VIPR2: variants seen among roughly 807,000 people sequenced by gnomAD.
VIPR2 encodes vasoactive intestinal polypeptide receptor 2.
A neutral mutation model predicts 58.0 loss-of-function variants in VIPR2; 48 were observed. The ratio of observed to expected loss-of-function variants is 0.83; its 90% CI spans 0.66 to 1.05. The LOEUF (loss-of-function observed/expected upper bound fraction) is 1.05, where lower values mean the gene tolerates loss of function less well. Ranked by LOEUF, VIPR2 falls within the 50% of genes least tolerant of loss-of-function variation. VIPR2 has a pLI of 0.00. For missense variants in VIPR2, 534 were observed against 558.0 expected (o/e 0.96, Z 0.43); for synonymous variants, 243 against 235.2 (o/e 1.03, Z -0.30).
chr7:159,033,819 G>T (rs1450661063), intron 10 of VIPR2, among the ~76,000 whole-genome samples: 1 of 152,202 alleles, frequency 6.6e-6, no homozygotes, highest in African/African-American at 2.4e-5. Flanking sequence ...TGTATAACAT[G>T]TAAGTGGGCG....
intron 2 of VIPR2, among the ~76,000 whole-genome samples, chr7:159,136,486 T>C (rs1413705004): frequency 6.7e-6 from 1 of 148,638 alleles, no homozygotes; most frequent in Non-Finnish European, 1.5e-5. Flanking sequence ...ATCTGACAGG[T>C]TGCATGAAAG....
chr7:159,035,795 T>A, intron 8 of VIPR2, 157 bp downstream of exon 8: 1 of 985,424 alleles, frequency 1.0e-6, no homozygotes, highest in Non-Finnish European at 1.2e-6. Flanking sequence ...ACAGGATTTC[T>A]CCCCATGAAT....
rs111568305 is a variant in VIPR2 at position 159,094,646 on chromosome 7, C to G, written c.357+9111G>C. ...CTTCTTTGCAGGGTGGCATCCGGCTCTGGTGGTGACGTTTTAAAGACGAAG... is the reference window on the plus strand; with the variant it reads ...CTTCTTTGCAGGGTGGCATCCGGCTGTGGTGGTGACGTTTTAAAGACGAAG... On this transcript the variant is annotated intron_variant, in intron 4 of 12. Transcript: ENST00000262178. 7.9e-3 allele frequency among the ~76,000 whole-genome samples: 1,208 copies of G among 152,306 alleles called. 17 individuals carry two copies. Among genetic ancestry groups the G allele is most frequent in the African/African-American group, 0.028 (1,165 of 41,568 alleles).
intron 10 of VIPR2, 52 bp downstream of exon 10, chr7:159,034,161 G>C (rs1328238456): frequency 2.5e-6 from 4 of 1,580,662 alleles, no homozygotes; most frequent in Admixed American, 3.3e-5. Context: ...GGGGTCTCCT[G>C]TCTCCACACG....
intron 8 of VIPR2, 146 bp downstream of exon 8, chr7:159,035,806 C>T (rs1004312985): frequency 3.0e-5 from 42 of 1,418,606 alleles, no homozygotes; most frequent in South Asian, 1.1e-4. Flanking sequence ...CCCCATGAAT[C>T]GCCCAGATGC....
At chr7:159,056,042 G>A (rs1217800008) in intron 5 of VIPR2, among the ~76,000 whole-genome samples, 3 of 152,218 alleles carry the variant, frequency 2.0e-5, no homozygotes, top group African/African-American at 7.2e-5. Context: ...AGGGCTCTGC[G>A]TGCACCAGCT....
In VIPR2 at chr7:159,096,737, C is replaced by A; in HGVS notation, c.357+7020G>T. ...CCTGTCTGGTTGTGCCAGGTGACAG[C>A]TGAATGATTTCTGCCTGTGGCCAGA... is the stretch of plus-strand genomic sequence containing the variant. On this transcript the variant is annotated intron_variant, in intron 4 of 12. Transcript: ENST00000262178. The surrounding 1 kb of genome is among the most constrained non-coding windows in gnomAD (Gnocchi z 5.5). The A allele has an allele frequency of 2.9e-6, 4 of 1,393,100 alleles. No homozygotes were observed. In the South Asian group the frequency reaches 7.0e-5, roughly 24 times the overall value. 86.3% of individuals were successfully genotyped at this position (1,393,100 alleles called of 1,614,324 possible).
intron 5 of VIPR2, among the ~76,000 whole-genome samples, chr7:159,053,902 T>C (rs554365876): frequency 6.6e-6 from 1 of 152,366 alleles, no homozygotes; most frequent in African/African-American, 2.4e-5. Context: ...TTTTTAAAAT[T>C]CACATGTAAG....
At chr7:159,105,174 C>A (rs770132940) in intron 3 of VIPR2, among the ~76,000 whole-genome samples, 2 of 152,136 alleles carry the variant, frequency 1.3e-5, no homozygotes, top group Non-Finnish European at 2.9e-5. Flanking sequence ...GTGTCCGAGC[C>A]GTAAGAATAA....
At chr7:159,058,655 G>T in intron 4 of VIPR2, 77 bp from the exon 5 acceptor site, 1 of 1,132,678 alleles carries the variant, frequency 8.8e-7, no homozygotes, top group Non-Finnish European at 1.3e-6. Context: ...CCAGGATCCA[G>T]CCCTGTGCTC....
At chr7:159,058,399 G>T in intron 5 of VIPR2, 82 bp downstream of exon 5, 2 of 1,175,886 alleles carry the variant, frequency 1.7e-6, no homozygotes, top group Non-Finnish European at 1.3e-6. Context: ...GAGGGCTCCA[G>T]GCTGGGTGGC....
chr7:159,077,753 G>A (rs1016561412), intron 4 of VIPR2, among the ~76,000 whole-genome samples: 11 of 149,914 alleles, frequency 7.3e-5, no homozygotes, highest in African/African-American at 2.7e-4. Context: ...ACTACAGTGT[G>A]CCTGTTATCA....
At chr7:159,067,206 C>T (rs981473039) in intron 4 of VIPR2, among the ~76,000 whole-genome samples, 8 of 152,236 alleles carry the variant, frequency 5.3e-5, no homozygotes, top group Non-Finnish European at 7.3e-5. Context: ...TTCACCCACA[C>T]GAGCACCTTC....
At chr7:159,037,875 A>T (rs79424401) in intron 6 of VIPR2, among the ~76,000 whole-genome samples, 1 of 152,308 alleles carries the variant, frequency 6.6e-6, no homozygotes, top group East Asian at 1.9e-4. Flanking sequence ...TCATATCTAT[A>T]GACATATGTA....
At chr7:159,135,813 A>G (rs1797195364) in intron 2 of VIPR2, among the ~76,000 whole-genome samples, 1 of 152,086 alleles carries the variant, frequency 6.6e-6, no homozygotes. Context: ...ACAGAGTGAA[A>G]CTCCATCTCA....
chr7:159,061,323 G>A (rs1340642433), intron 4 of VIPR2, among the ~76,000 whole-genome samples: 3 of 137,750 alleles, frequency 2.2e-5, no homozygotes, highest in African/African-American at 8.2e-5. Flanking sequence ...CTGCCCATGT[G>A]CCCCCTGAGT....
In VIPR2 at chr7:159,095,520, T is replaced by G. The variant is rs1270025893; in HGVS notation, c.357+8237A>C. On this transcript the variant is annotated intron_variant, in intron 4 of 12. Coordinates refer to ENST00000262178, the MANE Select transcript of VIPR2 (RefSeq NM_003382.5). This position sits in a 1 kb window ranked among gnomAD's most constrained non-coding sequence, Gnocchi z 5.2. ...CTGGGGTTCAAAGGCAAAGCACGTATAAATTTAAGTGGTTTTTTTAGTACT... is the reference window on the plus strand; with the variant it reads ...CTGGGGTTCAAAGGCAAAGCACGTAGAAATTTAAGTGGTTTTTTTAGTACT... Among the ~76,000 whole-genome samples, 5 of 152,248 alleles carry G rather than the reference T, an allele frequency of 3.3e-5. No homozygotes were observed. The highest frequency in any genetic ancestry group is 5.9e-5 in the Non-Finnish European group (4 of 68,040).
rs1292214164 is a variant in VIPR2 at position 159,106,218 on chromosome 7, C to T, written c.260-2364G>A. ...CCTTCCTACGGGAGATCAGTGTTTA[C>T]CAATCCAAAGAAGATGCTGAAATAA... On this transcript the variant is annotated intron_variant, in intron 3 of 12. Coordinates refer to ENST00000262178, the MANE Select transcript of VIPR2 (RefSeq NM_003382.5). Among the ~76,000 whole-genome samples the T allele has an allele frequency of 2.0e-5, 3 of 152,368 alleles. No homozygotes were observed. In the East Asian group the frequency reaches 5.8e-4, roughly 29 times the overall value.
chr7:159,115,697 C>G (rs1443776828), intron 2 of VIPR2, among the ~76,000 whole-genome samples: 1 of 152,240 alleles, frequency 6.6e-6, no homozygotes, highest in South Asian at 2.1e-4. Flanking sequence ...CTGGCTGGGT[C>G]GTCCCTTGGC....
Sources: gnomAD v4.1 joint callset for allele counts (sites outside exome capture counted in the v4.1 genomes callset) on GRCh38, gnomAD v4.1.1 for gene constraint, Gnocchi (gnomAD v3.1) non-coding constraint, MANE v1.5 for transcripts, NCBI Gene and HGNC (gene_info 2026-07-23, HGNC 2026-07-21) for gene names.